The following FARS2 variants were observed in gnomAD, a reference collection of about 807,000 sequenced individuals.
FARS2 encodes phenylalanine--tRNA ligase, mitochondrial.
FARS2 carries 40 observed loss-of-function variants against 46.4 expected under a neutral mutation model. The observed-to-expected ratio is 0.86, with a 90% confidence interval of 0.67 to 1.12. FARS2 has a LOEUF of 1.12. Ranked by LOEUF, FARS2 falls within the 50% of genes most tolerant of loss-of-function variation. The pLI is 0.00. For missense variants in FARS2, 513 were observed against 567.9 expected (o/e 0.90, Z 0.98); for synonymous variants, 234 against 214.9 (o/e 1.09, Z -0.78).
At chr6:5,623,954 A>G (rs1221070913) in intron 6 of FARS2, among the ~76,000 whole-genome samples, 1 of 152,198 alleles carries the variant, frequency 6.6e-6, no homozygotes, top group Non-Finnish European at 1.5e-5. Context: ...AATGACAGCT[A>G]ATCTTGAGAG....
At chr6:5,660,868 A>G (rs1008172403) in intron 6 of FARS2, among the ~76,000 whole-genome samples, 10 of 152,220 alleles carry the variant, frequency 6.6e-5, no homozygotes, top group Non-Finnish European at 1.5e-4. Context: ...GCCAGACCAC[A>G]CTGGGCCTCT....
intron 6 of FARS2, among the ~76,000 whole-genome samples, chr6:5,725,891 G>A (rs1760221156): frequency 6.6e-6 from 1 of 152,078 alleles, no homozygotes; most frequent in Non-Finnish European, 1.5e-5. Flanking sequence ...GTCGAGATGG[G>A]GCCACTGCAC....
chr6:5,294,112 A>G (rs1311780764), intron 1 of FARS2, among the ~76,000 whole-genome samples: 2 of 152,216 alleles, frequency 1.3e-5, no homozygotes, highest in Non-Finnish European at 2.9e-5. Flanking sequence ...GGTATGTTTT[A>G]TAGTTAATTC....
intron 1 of FARS2, among the ~76,000 whole-genome samples, chr6:5,273,090 C>G (rs920407495): frequency 1.3e-5 from 2 of 152,156 alleles, no homozygotes; most frequent in African/African-American, 4.8e-5. Context: ...CATATTTTGG[C>G]TTTTGTGAAT....
intron 4 of FARS2, among the ~76,000 whole-genome samples, chr6:5,436,592 A>G (rs938834829): frequency 6.6e-6 from 1 of 152,218 alleles, no homozygotes; most frequent in East Asian, 1.9e-4. Context: ...ATATAAATGC[A>G]TTTTGTGAGA....
intron 4 of FARS2, among the ~76,000 whole-genome samples, chr6:5,516,627 C>T (rs956101998): frequency 2.0e-5 from 3 of 152,144 alleles, no homozygotes; most frequent in African/African-American, 7.2e-5. Context: ...TGCAAAATAA[C>T]TAGATCATGC....
chr6:5,292,438 C>A (rs79084838), intron 1 of FARS2, among the ~76,000 whole-genome samples: 5 of 152,162 alleles, frequency 3.3e-5, no homozygotes, highest in African/African-American at 1.2e-4. Context: ...CAGCAATAGA[C>A]AAAATGGAGA....
chr6:5,612,069 G>C, intron 5 of FARS2, among the ~76,000 whole-genome samples: 1 of 152,148 alleles, frequency 6.6e-6, no homozygotes, highest in East Asian at 1.9e-4. Context: ...CGCTTCTCAG[G>C]AACCAATATA....
At chr6:5,509,262 C>T (rs192429244) in intron 4 of FARS2, among the ~76,000 whole-genome samples, 63 of 152,368 alleles carry the variant, frequency 4.1e-4, no homozygotes, top group African/African-American at 1.5e-3. Flanking sequence ...CAGCTTTGCC[C>T]AGGTTCTCCT....
chr6:5,620,889 A>G (rs556241224), intron 6 of FARS2, among the ~76,000 whole-genome samples: 6 of 152,344 alleles, frequency 3.9e-5, no homozygotes, highest in Admixed American at 2.6e-4. Context: ...GCCTTCTCCT[A>G]TATGTCAGTA....
At chr6:5,609,275 C>T (rs188206047) in intron 5 of FARS2, 6 of 1,047,460 alleles carry the variant, frequency 5.7e-6, no homozygotes, top group Non-Finnish European at 8.9e-6. Context: ...TGGAACTGCC[C>T]TAGCCACCTT....
intron 6 of FARS2, among the ~76,000 whole-genome samples, chr6:5,663,355 C>T (rs1561784579): frequency 6.6e-6 from 1 of 152,100 alleles, no homozygotes; most frequent in East Asian, 1.9e-4. Context: ...ATTGAACTTT[C>T]AAAAAAATTC....
At chr6:5,758,104 A>G (rs932587360) in intron 6 of FARS2, among the ~76,000 whole-genome samples, 16 of 152,240 alleles carry the variant, frequency 1.1e-4, no homozygotes, top group African/African-American at 3.6e-4. Context: ...TGATACAGCT[A>G]TGAAACAGTA....
At chr6:5,451,385 T>C (rs1456000611) in intron 4 of FARS2, among the ~76,000 whole-genome samples, 1 of 152,166 alleles carries the variant, frequency 6.6e-6, no homozygotes, top group Non-Finnish European at 1.5e-5. Flanking sequence ...AATTCAATTA[T>C]TCTTGTCTCC....
At chr6:5,441,356 G>A (rs551343792) in intron 4 of FARS2, among the ~76,000 whole-genome samples, 2 of 152,162 alleles carry the variant, frequency 1.3e-5, no homozygotes, top group Non-Finnish European at 2.9e-5. Context: ...CTCCCTGTCA[G>A]TTTCTTCACT....
chr6:5,599,929 A>G (rs370281545), intron 5 of FARS2, among the ~76,000 whole-genome samples: 1 of 151,716 alleles, frequency 6.6e-6, no homozygotes, highest in East Asian at 1.9e-4. Flanking sequence ...AGGCAGGGGC[A>G]TTGAAACCTT....
intron 2 of FARS2, among the ~76,000 whole-genome samples, chr6:5,393,018 A>G (rs1295125602): frequency 1.3e-5 from 2 of 151,224 alleles, no homozygotes; most frequent in African/African-American, 4.9e-5. Flanking sequence ...TATATGTAAA[A>G]TAAGTTTTCA....
chr6:5,716,111 A>G (rs1759477155), intron 6 of FARS2, among the ~76,000 whole-genome samples: 1 of 152,132 alleles, frequency 6.6e-6, no homozygotes. Context: ...TATTCTTTTG[A>G]AGCTAATTTG....
chr6:5,588,760 C>G (rs754402203), intron 5 of FARS2, among the ~76,000 whole-genome samples: 2 of 152,206 alleles, frequency 1.3e-5, no homozygotes, highest in African/African-American at 4.8e-5. Flanking sequence ...TTGCTAGGTT[C>G]TTTCGCGTGC....
Sources: allele counts gnomAD v4.1 joint callset (sites outside exome capture counted in the v4.1 genomes callset), GRCh38; gene constraint gnomAD v4.1.1; transcripts MANE v1.5; gene names NCBI Gene and HGNC (gene_info 2026-07-23, HGNC 2026-07-21).